Variants in FGF14 observed in about 807,000 individuals in gnomAD.
FGF14 encodes the protein fibroblast growth factor homologous factor 4.
In FGF14, 5 loss-of-function variants were observed where a neutral mutation model predicts 25.5. The ratio of observed to expected loss-of-function variants is 0.20; its 90% confidence interval spans 0.10 to 0.41. The LOEUF (loss-of-function observed/expected upper bound fraction) is 0.41, where lower values mean the gene tolerates loss of function less well. Among genes scored for constraint, FGF14 ranks in the 10% least tolerant of loss-of-function variants. The pLI is 1.00. For synonymous variants in FGF14, 138 were observed against 118.3 expected, an observed-to-expected ratio of 1.17 and a Z score of -1.08; for missense variants, 222 against 320.1, an observed-to-expected ratio of 0.69 and a Z score of 2.34.
intron 1 of FGF14, among the ~76,000 whole-genome samples, chr13:102,175,198 T>C (rs577543856): frequency 6.6e-6 from 1 of 152,124 alleles, no homozygotes; most frequent in Non-Finnish European, 1.5e-5. Flanking sequence ...TAAGTTATAC[T>C]ACAAGGCTAT....
chr13:102,032,829 C>T (rs2041276234), intron 1 of FGF14, among the ~76,000 whole-genome samples: 1 of 152,068 alleles, frequency 6.6e-6, no homozygotes, highest in African/African-American at 2.4e-5. Context: ...AGCAGTAATC[C>T]CAGCTATGTC....
intron 1 of FGF14, among the ~76,000 whole-genome samples, chr13:102,197,955 G>A (rs1227390343): frequency 6.6e-6 from 1 of 152,190 alleles, no homozygotes; most frequent in Non-Finnish European, 1.5e-5. Context: ...TGCTGTCTGA[G>A]TAGAAATAGC....
chr13:102,276,583 A>C (rs2053563227), intron 1 of FGF14, among the ~76,000 whole-genome samples: 1 of 151,972 alleles, frequency 6.6e-6, no homozygotes, highest in Non-Finnish European at 1.5e-5. Context: ...CCTTTTAAGA[A>C]GTTTGAAAGC....
intron 1 of FGF14, among the ~76,000 whole-genome samples, chr13:101,962,465 G>A (rs1387483207): frequency 6.6e-6 from 1 of 152,068 alleles, no homozygotes; most frequent in Non-Finnish European, 1.5e-5. Context: ...ATTAGGAAAT[G>A]TAAACTGAAT....
At position 102,175,195 on chromosome 13, in the gene FGF14, T is replaced by C. The variant is rs760159092; in HGVS notation, c.208+226276A>G. The stretch of plus-strand genomic sequence containing the variant: ...CATCACATTATGTGACTTTAAGTTA[T>C]ACTACAAGGCTATAGTAACCAAAAC... On this transcript the variant is annotated intron_variant, in intron 1 of 4. Transcript: ENST00000376131. Among the ~76,000 whole-genome samples, 5 of 152,156 alleles carry C rather than the reference T, an allele frequency of 3.3e-5. No homozygotes were observed. The South Asian group carries it at 8.3e-4, about 25-fold the overall frequency.
intron 3 of FGF14, among the ~76,000 whole-genome samples, chr13:101,839,415 G>C (rs2043091530): frequency 6.6e-6 from 1 of 151,948 alleles, no homozygotes; most frequent in Non-Finnish European, 1.5e-5. Flanking sequence ...ATTGGGTTTG[G>C]GCCAATTATG....
At chr13:101,867,271 C>A (rs1452937551) in intron 3 of FGF14, among the ~76,000 whole-genome samples, 2 of 152,006 alleles carry the variant, frequency 1.3e-5, no homozygotes, top group East Asian at 3.9e-4. Flanking sequence ...AAATGATATA[C>A]CCTACCTTTA....
At chr13:102,378,280 G>A (rs1452904529) in intron 1 of FGF14, among the ~76,000 whole-genome samples, 4 of 152,140 alleles carry the variant, frequency 2.6e-5, no homozygotes, top group African/African-American at 7.2e-5. Flanking sequence ...TAATGGAGAG[G>A]TGATGGATCT....
At chr13:102,159,245 T>A (rs2047514549) in intron 1 of FGF14, among the ~76,000 whole-genome samples, 1 of 151,698 alleles carries the variant, frequency 6.6e-6, no homozygotes, top group African/African-American at 2.4e-5. Flanking sequence ...GCAAATGTAA[T>A]CATTAGTGAT....
At chr13:102,155,423 A>C (rs1379898181) in intron 1 of FGF14, among the ~76,000 whole-genome samples, 1 of 152,238 alleles carries the variant, frequency 6.6e-6, no homozygotes, top group African/African-American at 2.4e-5. Flanking sequence ...CTGGGTACAT[A>C]ACGAAATGAA....
At chr13:101,772,218 C>T (rs1312156761) in intron 3 of FGF14, among the ~76,000 whole-genome samples, 2 of 152,042 alleles carry the variant, frequency 1.3e-5, no homozygotes, top group Non-Finnish European at 2.9e-5. Flanking sequence ...AAAATAAATT[C>T]TAGCTTTAAA....
intron 1 of FGF14, among the ~76,000 whole-genome samples, chr13:102,143,051 C>T (rs78406991): frequency 0.013 from 1,998 of 152,280 alleles, 44 homozygotes; most frequent in African/African-American, 0.046. Context: ...ACTTGAGATT[C>T]CACCATGGTT....
chr13:102,293,903 AC>A (rs2054559525), intron 1 of FGF14: 1 of 152,216 alleles, frequency 6.6e-6, no homozygotes, highest in Non-Finnish European at 1.5e-5. Flanking sequence ...TACTAGCAGC[AC>A]TTGATTCAGA....
chr13:102,317,858 G>T (rs2056093252), intron 1 of FGF14, among the ~76,000 whole-genome samples: 1 of 152,144 alleles, frequency 6.6e-6, no homozygotes, highest in Admixed American at 6.5e-5. Flanking sequence ...GTTTGACCAT[G>T]TGGAAACCTT....
At chr13:101,892,302 A>T (rs2029878158) in intron 1 of FGF14, among the ~76,000 whole-genome samples, 1 of 152,154 alleles carries the variant, frequency 6.6e-6, no homozygotes, top group South Asian at 2.1e-4. Flanking sequence ...CCCACTGTAC[A>T]TTCTTTGAAA....
At chr13:101,940,226 T>C (rs2035357420) in intron 1 of FGF14, among the ~76,000 whole-genome samples, 1 of 152,184 alleles carries the variant, frequency 6.6e-6, no homozygotes, top group African/African-American at 2.4e-5. Flanking sequence ...ACAAGTCGAA[T>C]ACAGGAGAAA....
At chr13:102,022,056 T>C (rs577897056) in intron 1 of FGF14, among the ~76,000 whole-genome samples, 66 of 152,194 alleles carry the variant, frequency 4.3e-4, no homozygotes, top group African/African-American at 1.4e-3. Context: ...TGGGCAGACT[T>C]CCTGCCTAAT....
chr13:102,135,289 T>C (rs2046366219), intron 1 of FGF14, among the ~76,000 whole-genome samples: 1 of 152,138 alleles, frequency 6.6e-6, no homozygotes, highest in Non-Finnish European at 1.5e-5. Flanking sequence ...AATTTTTTCA[T>C]GAACACAGCA....
intron 1 of FGF14, among the ~76,000 whole-genome samples, chr13:102,025,674 G>A (rs1361992641): frequency 2.0e-5 from 3 of 152,058 alleles, no homozygotes; most frequent in Non-Finnish European, 4.4e-5. Context: ...CTCCCAAAGT[G>A]CTGCGATTAC....
Sources: allele counts gnomAD v4.1 joint callset (sites outside exome capture counted in the v4.1 genomes callset), GRCh38; gene constraint gnomAD v4.1.1; transcripts MANE v1.5; gene names NCBI Gene and HGNC (gene_info 2026-07-23, HGNC 2026-07-21).